Variants in ENPP2 observed in about 807,000 individuals in gnomAD.
ENPP2 encodes ectonucleotide pyrophosphatase/phosphodiesterase 2.
ENPP2 carries 51 observed loss-of-function variants against 120.2 expected under a neutral mutation model. The ratio of observed to expected loss-of-function variants is 0.42; its 90% CI spans 0.34 to 0.54. ENPP2 has a LOEUF of 0.54. ENPP2 is among the 20% of genes least tolerant of loss of function. The probability of loss-of-function intolerance (pLI) is 0.04; values close to 1 mark genes in which losing one functional copy is unlikely to be tolerated. For missense variants in ENPP2, 920 were observed against 1,066.5 expected (o/e 0.86, Z 1.91); for synonymous variants, 365 against 366.4 (o/e 1.00, Z 0.04).
upstream of ENPP2, among the ~76,000 whole-genome samples, chr8:119,643,782 T>C (rs1179654693): frequency 6.6e-6 from 1 of 152,144 alleles, no homozygotes; most frequent in East Asian, 1.9e-4. Context: ...AGGTAAATCA[T>C]GATTTGAGCA....
chr8:119,612,716 G>A (rs1345755986), intron 8 of ENPP2, among the ~76,000 whole-genome samples: 1 of 152,086 alleles, frequency 6.6e-6, no homozygotes, highest in Non-Finnish European at 1.5e-5. Context: ...AAGGCGAAAT[G>A]TTGTCTCTAC....
upstream of ENPP2, among the ~76,000 whole-genome samples, chr8:119,641,581 A>G (rs748437797): frequency 3.9e-5 from 6 of 152,226 alleles, no homozygotes; most frequent in Admixed American, 6.5e-5. Flanking sequence ...GGCAGAAGAA[A>G]ACCTAGAACT....
At position 119,601,260 on chromosome 8, in the gene ENPP2, T is replaced by C. The variant is rs1814284736; in HGVS notation, c.899+137A>G. The C allele has an allele frequency of 5.3e-5, 33 of 623,976 alleles. No individual in the cohort carries two copies. The South Asian group carries it at 6.8e-4, about 13-fold the overall frequency. 38.7% of individuals were successfully genotyped at this position (623,976 alleles called of 1,614,324 possible). A position where few individuals can be genotyped will look rare whatever the true frequency, so the allele number is the denominator to read the frequency against. ...GTCTATTGTATCCTTCTTAGGGAAGTAACACTTAAGGCTAAGAACCACAAA... is the reference window on the plus strand; with the variant it reads ...GTCTATTGTATCCTTCTTAGGGAAGCAACACTTAAGGCTAAGAACCACAAA... On this transcript the variant is annotated intron_variant, in intron 10 of 24. Coordinates refer to ENST00000075322, the MANE Select transcript of ENPP2 (RefSeq NM_001040092.3).
intron 4 of ENPP2, among the ~76,000 whole-genome samples, chr8:119,620,438 T>C (rs1815808352): frequency 6.6e-6 from 1 of 152,196 alleles, no homozygotes; most frequent in Non-Finnish European, 1.5e-5. Flanking sequence ...ATTCTTCAAA[T>C]ATATTAATAT....
In ENPP2 at chr8:119,570,835, T is replaced by G; in HGVS notation, c.1787A>C (p.His596Pro). 1 of 1,545,356 alleles carries G rather than the reference T, an allele frequency of 6.5e-7. No individual in the cohort carries two copies. The highest frequency in any genetic ancestry group is 8.7e-7 in the Non-Finnish European group (1 of 1,154,102). The stretch of plus-strand genomic sequence containing the variant: ...CACTGCAGGTCGCCCATAGAGGAGG[T>G]GTCTCTCTAAAAAAGAAAAAAAATA... ...LHTKGSTEER[H>P]LLYGRPAVLY... The change falls in exon 20 of 25, where the codon CAC (histidine) becomes CCC (proline). Residue 596 changes from histidine to proline, a missense_variant. His to Pro is a moderately conservative substitution (Grantham distance 77). Transcript: ENST00000075322.
At chr8:119,646,341 G>A (rs187031230) in intron 1 of ENPP2, among the ~76,000 whole-genome samples, 153 of 152,250 alleles carry the variant, frequency 1.0e-3, no homozygotes, top group African/African-American at 3.6e-3. Context: ...GTCCCTGGAT[G>A]AGCAGGGTTA....
chr8:119,570,679 A>G (rs1484885415), intron 20 of ENPP2, 26 bp downstream of exon 20: 1 of 1,369,446 alleles, frequency 7.3e-7, no homozygotes, highest in East Asian at 2.7e-5. Flanking sequence ...AAAATAAAAA[A>G]TATAAAATCC....
At chr8:119,612,616 A>T (rs967496595) in intron 8 of ENPP2, among the ~76,000 whole-genome samples, 114 of 152,328 alleles carry the variant, frequency 7.5e-4, no homozygotes, top group African/African-American at 2.6e-3. Flanking sequence ...GGACAGTTGC[A>T]GTTGGGATCA....
chr8:119,600,806 A>G (rs1323529988), intron 10 of ENPP2, 56 bp from the exon 11 acceptor site: 3 of 979,466 alleles, frequency 3.1e-6, no homozygotes, highest in Non-Finnish European at 4.8e-6. Context: ...AACAAAAAAT[A>G]TCACATATTT....
chr8:119,607,546 G>A (rs1450744438), intron 9 of ENPP2, among the ~76,000 whole-genome samples: 1 of 152,012 alleles, frequency 6.6e-6, no homozygotes, highest in African/African-American at 2.4e-5. Context: ...GTGGTAGCAG[G>A]TGCCTGTAAT....
chr8:119,601,985 GAC>G (rs2130570819), intron 9 of ENPP2, among the ~76,000 whole-genome samples: 1 of 152,314 alleles, frequency 6.6e-6, no homozygotes, highest in South Asian at 2.1e-4. Context: ...CAGTGCGTAA[GAC>G]ACAGTAAGTT....
At chr8:119,561,479 A>G (rs1813924458) in intron 24 of ENPP2, among the ~76,000 whole-genome samples, 1 of 152,242 alleles carries the variant, frequency 6.6e-6, no homozygotes, top group Non-Finnish European at 1.5e-5. Context: ...GTGAAACAAA[A>G]GCATAGACCA....
chr8:119,595,251 T>G (rs1308435730), intron 11 of ENPP2, among the ~76,000 whole-genome samples: 1 of 152,188 alleles, frequency 6.6e-6, no homozygotes, highest in Non-Finnish European at 1.5e-5. Flanking sequence ...AGATACTGCC[T>G]CAGAGGTATT....
At chr8:119,667,460 C>T (rs140916833) in intron 1 of ENPP2, among the ~76,000 whole-genome samples, 2 of 152,300 alleles carry the variant, frequency 1.3e-5, no homozygotes, top group East Asian at 3.9e-4. Context: ...CAAAGACAAA[C>T]ACAATGATTA....
At chr8:119,619,758 A>G (rs1420322824) in intron 4 of ENPP2, among the ~76,000 whole-genome samples, 1 of 152,058 alleles carries the variant, frequency 6.6e-6, no homozygotes, top group Admixed American at 6.6e-5. Flanking sequence ...AATAAGTGGA[A>G]GATTACAATA....
chr8:119,645,978 T>A (rs1040591035), intron 1 of ENPP2, among the ~76,000 whole-genome samples: 1 of 152,054 alleles, frequency 6.6e-6, no homozygotes, highest in Non-Finnish European at 1.5e-5. Flanking sequence ...TCTAAACTTT[T>A]TTTTTTTGAG....
At chr8:119,588,528 C>CAAA (rs58771451) in intron 13 of ENPP2, among the ~76,000 whole-genome samples, 15 of 68,138 alleles carry the variant, frequency 2.2e-4, no homozygotes, top group Middle Eastern at 0.011. Context: ...AACTCCGCCT[C>CAAA]AAAAAAAAAA....
intron 2 of ENPP2, among the ~76,000 whole-genome samples, chr8:119,637,820 A>T (rs147872078): frequency 9.8e-5 from 15 of 152,310 alleles, no homozygotes; most frequent in Admixed American, 9.2e-4. Flanking sequence ...AAACTCTTTC[A>T]CTTTGGTTCT....
At chr8:119,592,291 G>A (rs955813576) in intron 12 of ENPP2, among the ~76,000 whole-genome samples, 2 of 151,990 alleles carry the variant, frequency 1.3e-5, no homozygotes, top group Non-Finnish European at 2.9e-5. Flanking sequence ...TGGCCAACAT[G>A]GTGAAAGCCC....
Sources: gnomAD v4.1 joint callset for allele counts (sites outside exome capture counted in the v4.1 genomes callset) on GRCh38, gnomAD v4.1.1 for gene constraint, MANE v1.5 for transcripts, NCBI Gene and HGNC (gene_info 2026-07-23, HGNC 2026-07-21) for gene names.